Variants in RANBP17 observed in about 807,000 individuals in gnomAD.
The protein encoded by RANBP17 is ran-binding protein 17.
In RANBP17, 158 loss-of-function variants were observed where a neutral mutation model predicts 141.2. The ratio of observed to expected loss-of-function variants is 1.12; its 90% CI spans 0.98 to 1.28. The LOEUF is 1.28. RANBP17 is among the 50% of genes most tolerant of loss of function. RANBP17 has a pLI of 0.00. For synonymous variants in RANBP17, 430 were observed against 450.0 expected (o/e 0.96, Z 0.56); for missense variants, 1,438 against 1,290.7 (o/e 1.11, Z -1.75).
At chr5:171,260,464 A>G (rs1203978195) in intron 24 of RANBP17, among the ~76,000 whole-genome samples, 1 of 144,330 alleles carries the variant, frequency 6.9e-6, no homozygotes, top group East Asian at 2.0e-4. Context: ...CTCCGTCTCA[A>G]AAAAAAAAAA....
At chr5:171,222,082 G>A (rs1763600709) in intron 22 of RANBP17, among the ~76,000 whole-genome samples, 1 of 152,192 alleles carries the variant, frequency 6.6e-6, no homozygotes, top group South Asian at 2.1e-4. Flanking sequence ...TGCAGTGTCA[G>A]TAGATGAGGG....
At chr5:171,036,180 G>A (rs1397731980) in intron 14 of RANBP17, among the ~76,000 whole-genome samples, 1 of 152,182 alleles carries the variant, frequency 6.6e-6, no homozygotes, top group Non-Finnish European at 1.5e-5. Context: ...AGGATTACAG[G>A]TGTGAGCCAC....
chr5:171,217,698 G>T (rs1763299276), intron 21 of RANBP17, among the ~76,000 whole-genome samples: 1 of 152,144 alleles, frequency 6.6e-6, no homozygotes, highest in Non-Finnish European at 1.5e-5. Context: ...GTGTAGAGGT[G>T]TTTATAGTAT....
At chr5:171,268,531 G>A (rs971498735) in intron 25 of RANBP17, among the ~76,000 whole-genome samples, 10 of 152,154 alleles carry the variant, frequency 6.6e-5, no homozygotes, top group East Asian at 3.9e-4. Context: ...AAATGTCAGC[G>A]CGTCTCTCCT....
intron 5 of RANBP17, among the ~76,000 whole-genome samples, chr5:170,902,852 G>A (rs375948558): frequency 1.3e-5 from 2 of 152,192 alleles, no homozygotes; most frequent in Non-Finnish European, 2.9e-5. Context: ...ACCAGCGGAG[G>A]CTGCAGAACA....
At chr5:171,012,788 G>C (rs1780145203) in intron 14 of RANBP17, among the ~76,000 whole-genome samples, 1 of 152,084 alleles carries the variant, frequency 6.6e-6, no homozygotes, top group African/African-American at 2.4e-5. Flanking sequence ...TTTTCTACAA[G>C]TTGAATATTT....
intron 25 of RANBP17, among the ~76,000 whole-genome samples, chr5:171,286,134 A>G (rs1261298432): frequency 6.6e-6 from 1 of 152,252 alleles, no homozygotes; most frequent in Non-Finnish European, 1.5e-5. Flanking sequence ...GAGCAAAAGC[A>G]TCCCTTAGCT....
At chr5:171,080,851 G>T (rs1000879628) in intron 14 of RANBP17, among the ~76,000 whole-genome samples, 2 of 152,136 alleles carry the variant, frequency 1.3e-5, no homozygotes. Flanking sequence ...TGGTAATGTA[G>T]AGCCTTTTGG....
chr5:171,003,146 T>C (rs998969779), intron 14 of RANBP17, among the ~76,000 whole-genome samples: 1 of 152,124 alleles, frequency 6.6e-6, no homozygotes, highest in Non-Finnish European at 1.5e-5. Flanking sequence ...GTCAATTGTT[T>C]GGTTAAAAAG....
chr5:171,129,159 A>G (rs915108333), intron 14 of RANBP17, among the ~76,000 whole-genome samples: 1 of 152,192 alleles, frequency 6.6e-6, no homozygotes, highest in Non-Finnish European at 1.5e-5. Context: ...TTGAAAGGGA[A>G]AGAGGGAAGA....
rs4868074 is a variant in RANBP17 at position 171,238,787 on chromosome 5, G to T, written c.2423-2141G>T. On this transcript the variant is annotated intron_variant, in intron 22 of 27. Transcript: ENST00000523189. ...TTGCACTTCATCTACCCAGAGTACAGTCCTCTGTTTACAAGTCCATGTGGC... is the reference window on the plus strand; with the variant it reads ...TTGCACTTCATCTACCCAGAGTACATTCCTCTGTTTACAAGTCCATGTGGC... 3.9e-5 allele frequency among the ~76,000 whole-genome samples: 6 copies of T among 152,148 alleles called. No homozygotes were observed. The Middle Eastern group carries it at 0.01, about 259-fold the overall frequency.
chr5:171,022,077 T>C (rs147775061), intron 14 of RANBP17, among the ~76,000 whole-genome samples: 2 of 152,222 alleles, frequency 1.3e-5, no homozygotes, highest in Non-Finnish European at 2.9e-5. Flanking sequence ...CTGGGTTTGC[T>C]GGGGGTTCAC....
intron 14 of RANBP17, among the ~76,000 whole-genome samples, chr5:171,079,838 C>A (rs1297328858): frequency 6.6e-6 from 1 of 152,102 alleles, no homozygotes; most frequent in African/African-American, 2.4e-5. Flanking sequence ...TGCTTGATTG[C>A]AGTGGTGTGG....
Position 171,299,673 on chromosome 5 carries a change from T to G in RANBP17, c.*815T>G. 1 of 228,614 alleles carries G rather than the reference T, an allele frequency of 4.4e-6. No homozygotes were observed. Among genetic ancestry groups the G allele is most frequent in the Middle Eastern group, 1.3e-3 (1 of 752 alleles). The allele number at this position is 228,614 out of a possible 1,614,324, so 14.2% of individuals were successfully genotyped here. On this transcript the variant is annotated 3_prime_UTR_variant, in exon 28 of 28. Transcript: ENST00000523189. Reference sequence around the variant, plus strand: ...ATATAATATTTGAAGCAGCTCTGCCTTCTTAGGGCTACCCAAAACAGTTCT... The same window carrying G: ...ATATAATATTTGAAGCAGCTCTGCCGTCTTAGGGCTACCCAAAACAGTTCT...
chr5:171,090,783 C>T (rs1475450396), intron 14 of RANBP17, among the ~76,000 whole-genome samples: 11 of 152,218 alleles, frequency 7.2e-5, no homozygotes, highest in Non-Finnish European at 1.5e-4. Context: ...CGGGCTGTTG[C>T]TTCAGAGGGT....
At chr5:170,940,282 A>G (rs992278694) in intron 12 of RANBP17, among the ~76,000 whole-genome samples, 1 of 152,208 alleles carries the variant, frequency 6.6e-6, no homozygotes, top group Non-Finnish European at 1.5e-5. Context: ...AAGCATTATT[A>G]AAACTAGAGC....
intron 14 of RANBP17, among the ~76,000 whole-genome samples, chr5:171,069,746 A>T (rs868834821): frequency 6.6e-6 from 1 of 152,208 alleles, no homozygotes; most frequent in Non-Finnish European, 1.5e-5. Flanking sequence ...TATGACGTTT[A>T]GTAGTAGATA....
chr5:170,954,735 A>G (rs1775477012), intron 13 of RANBP17, among the ~76,000 whole-genome samples: 1 of 152,154 alleles, frequency 6.6e-6, no homozygotes, highest in African/African-American at 2.4e-5. Flanking sequence ...CTTTATGTAG[A>G]CTGAAATAAT....
intron 14 of RANBP17, among the ~76,000 whole-genome samples, chr5:171,060,485 A>G (rs1783742463): frequency 6.6e-6 from 1 of 151,918 alleles, no homozygotes; most frequent in South Asian, 2.1e-4. Context: ...GCATATATTG[A>G]ACCAGCCTTG....
Sources: allele counts gnomAD v4.1 joint callset (sites outside exome capture counted in the v4.1 genomes callset), GRCh38; gene constraint gnomAD v4.1.1; transcripts MANE v1.5; gene names NCBI Gene and HGNC (gene_info 2026-07-23, HGNC 2026-07-21).